ANKRD31: variants seen among roughly 807,000 people sequenced by gnomAD.
ANKRD31 encodes ankyrin repeat domain 31, also known as ankyrin repeat domain-containing protein 31.
In ANKRD31, 147 loss-of-function variants were observed where a neutral mutation model predicts 186.0. That is an observed-to-expected ratio of 0.79 (90% confidence interval 0.69 to 0.91). The LOEUF (loss-of-function observed/expected upper bound fraction) is 0.91. ANKRD31 is among the 40% of genes least tolerant of loss of function. The pLI is 0.00. For synonymous variants in ANKRD31, 673 were observed against 736.4 expected (o/e 0.91, Z 1.39); for missense variants, 1,986 against 2,148.8 (o/e 0.92, Z 1.50).
At chr5:75,160,879 C>T (rs1752529098) in intron 11 of ANKRD31, among the ~76,000 whole-genome samples, 1 of 152,176 alleles carries the variant, frequency 6.6e-6, no homozygotes, top group Admixed American at 6.5e-5. Context: ...CTCATTCTCT[C>T]TCTTGCTGCT....
At position 75,108,064 on chromosome 5, in the gene ANKRD31, C is replaced by T. The variant is rs568810840; in HGVS notation, c.4244-447G>A. 1.7e-4 allele frequency among the ~76,000 whole-genome samples: 26 copies of T among 151,964 alleles called. No individual in the cohort carries two copies. The South Asian group carries it at 5.4e-3, about 32-fold the overall frequency. ...AAAGTAAGAGTATCCCTACTCACCC[C>T]ACTGCTTCTTCTCTAATTTATTCAA... On this transcript the variant is annotated intron_variant, in intron 20 of 25. Coordinates refer to ENST00000506364, the MANE Select transcript of ANKRD31 (RefSeq NM_001372053.1).
chr5:75,153,043 C>T (rs761339516), intron 12 of ANKRD31, among the ~76,000 whole-genome samples: 7 of 151,934 alleles, frequency 4.6e-5, no homozygotes, highest in Non-Finnish European at 7.4e-5. Flanking sequence ...AAAAGACTGG[C>T]TTTTGTCTAA....
At chr5:75,154,727 A>T (rs1429468350) in intron 11 of ANKRD31, among the ~76,000 whole-genome samples, 2 of 152,120 alleles carry the variant, frequency 1.3e-5, no homozygotes, top group Admixed American at 1.3e-4. Context: ...AAATGAAGTT[A>T]GCAAATACAC....
chr5:75,177,824 A>G (rs1482971320), intron 10 of ANKRD31, among the ~76,000 whole-genome samples: 1 of 152,196 alleles, frequency 6.6e-6, no homozygotes, highest in Non-Finnish European at 1.5e-5. Context: ...AACTGCATCA[A>G]CTAACGAGCA....
chr5:75,206,091 T>C (rs930546237), intron 5 of ANKRD31, among the ~76,000 whole-genome samples: 2 of 150,056 alleles, frequency 1.3e-5, no homozygotes, highest in Non-Finnish European at 3.0e-5. Flanking sequence ...TATAAACATA[T>C]AGTAAGCCAG....
At chr5:75,192,798 TA>T in intron 8 of ANKRD31, 22 bp from the exon 9 acceptor site, 1 of 1,476,448 alleles carries the variant, frequency 6.8e-7, no homozygotes, top group Non-Finnish European at 9.1e-7. Flanking sequence ...ACGTATTTTT[TA>T]AATGGCTATA....
chr5:75,195,734 C>T lies in ANKRD31; in HGVS notation c.914G>A (p.Cys305Tyr), dbSNP rs996188478. The T allele has an allele frequency of 6.5e-7, 1 of 1,537,598 alleles. No homozygotes were observed. Among genetic ancestry groups the T allele is most frequent in the Non-Finnish European group, 8.7e-7 (1 of 1,146,920 alleles). Residue 305 changes from cysteine to tyrosine, a missense_variant, in exon 7 of 26, where the codon TGT becomes TAT. Cys to Tyr is a radical substitution (Grantham distance 194, BLOSUM62 -2). Coordinates refer to ENST00000506364, the MANE Select transcript of ANKRD31 (RefSeq NM_001372053.1). ...ACTGCTACCTCCCTCTTTTCTGTGA[C>T]AGATGGTTTCCACCTTGGCTTCTGA... Reference protein sequence around the residue: ...TLSEAKVETICHRKEGGSSLI... With the variant: ...TLSEAKVETIYHRKEGGSSLI...
At chr5:75,214,948 A>G (rs1756873764) in intron 3 of ANKRD31, among the ~76,000 whole-genome samples, 1 of 152,164 alleles carries the variant, frequency 6.6e-6, no homozygotes, top group African/African-American at 2.4e-5. Context: ...ACATATGTAG[A>G]AAGAGATTTA....
At chr5:75,152,968 G>A (rs2150156586) in intron 12 of ANKRD31, among the ~76,000 whole-genome samples, 1 of 152,006 alleles carries the variant, frequency 6.6e-6, no homozygotes, top group South Asian at 2.1e-4. Flanking sequence ...CAGACTCAGT[G>A]ACTCACTTCT....
chr5:75,150,205 C>G (rs1751749929), intron 12 of ANKRD31, among the ~76,000 whole-genome samples: 1 of 151,684 alleles, frequency 6.6e-6, no homozygotes, highest in African/African-American at 2.4e-5. Flanking sequence ...TTAATTTACC[C>G]TATAAGCTTT....
intron 11 of ANKRD31, among the ~76,000 whole-genome samples, chr5:75,160,044 TAAA>T (rs1752467945): frequency 6.6e-6 from 1 of 152,070 alleles, no homozygotes; most frequent in Non-Finnish European, 1.5e-5. Context: ...GCCAGAAATG[TAAA>T]ATAGGAAGCT....
intron 17 of ANKRD31, among the ~76,000 whole-genome samples, chr5:75,136,414 AG>A (rs1323103719): frequency 2.0e-5 from 3 of 152,214 alleles, no homozygotes; most frequent in Non-Finnish European, 2.9e-5. Flanking sequence ...CATGAAAAAA[AG>A]CTCGTCATCA....
intron 17 of ANKRD31, among the ~76,000 whole-genome samples, chr5:75,135,929 T>C (rs1482063848): frequency 6.6e-6 from 1 of 152,222 alleles, no homozygotes; most frequent in African/African-American, 2.4e-5. Flanking sequence ...GGATTCCCTA[T>C]TTAGTAAATG....
At chr5:75,223,781 G>A (rs1026055403) in intron 2 of ANKRD31, among the ~76,000 whole-genome samples, 2 of 152,072 alleles carry the variant, frequency 1.3e-5, no homozygotes, top group African/African-American at 4.8e-5. Context: ...TTGGGAGGTA[G>A]TTGGGTTTAG....
intron 17 of ANKRD31, among the ~76,000 whole-genome samples, chr5:75,126,602 C>T (rs1389262993): frequency 4.6e-5 from 7 of 152,150 alleles, no homozygotes; most frequent in Non-Finnish European, 1.0e-4. Flanking sequence ...GGTAAAAAAA[C>T]ACCAAGGGGT....
At position 75,104,031 on chromosome 5, in the gene ANKRD31, T is replaced by C. The variant is rs1362148797; in HGVS notation, c.5331+197A>G. Among the ~76,000 whole-genome samples the C allele has an allele frequency of 2.0e-5, 3 of 152,028 alleles. No individual in the cohort carries two copies. The East Asian group carries it at 5.8e-4, about 29-fold the overall frequency. ...AAAATTAAAATTAAAAAAAGGAAAATAAAAATAAATGTATCAGGGCAATTC... is the reference window on the plus strand; with the variant it reads ...AAAATTAAAATTAAAAAAAGGAAAACAAAAATAAATGTATCAGGGCAATTC... On this transcript the variant is annotated intron_variant, in intron 22 of 25. Transcript: ENST00000506364.
At position 75,146,604 on chromosome 5, in the gene ANKRD31, T is replaced by C. The variant is rs1288123571; in HGVS notation, c.2807A>G (p.Asn936Ser). ...KHYNFKENLT[N>S]KKEMGFQQFL... ...CTGTTGGAAACCCATTTCTTTTTTA[T>C]TTGTTAAATTCTCCTTAAAATTATA... Residue 936 changes from asparagine to serine, a missense_variant, in exon 14 of 26, where the codon AAT (asparagine) becomes AGT (serine). Coordinates refer to ENST00000506364, the MANE Select transcript of ANKRD31 (RefSeq NM_001372053.1). 3.9e-6 allele frequency: 6 copies of C among 1,535,300 alleles called. No homozygotes were observed. The highest frequency in any genetic ancestry group is 5.2e-6 in the Non-Finnish European group (6 of 1,146,082).
At chr5:75,229,719 G>T (rs1441740046) in intron 2 of ANKRD31, among the ~76,000 whole-genome samples, 1 of 151,854 alleles carries the variant, frequency 6.6e-6, no homozygotes, top group African/African-American at 2.4e-5. Flanking sequence ...ACAAAATTCA[G>T]TTGGGTGTAG....
At chr5:75,126,540 T>G (rs1242211820) in intron 17 of ANKRD31, among the ~76,000 whole-genome samples, 2 of 152,168 alleles carry the variant, frequency 1.3e-5, no homozygotes, top group Non-Finnish European at 1.5e-5. Flanking sequence ...AAAGCTGCTA[T>G]CCACATTCTA....
Sources: gnomAD v4.1 joint callset for allele counts (sites outside exome capture counted in the v4.1 genomes callset) on GRCh38, gnomAD v4.1.1 for gene constraint, MANE v1.5 for transcripts, NCBI Gene and HGNC (gene_info 2026-07-23, HGNC 2026-07-21) for gene names.